ADIPOR2: variants seen among roughly 807,000 people sequenced by gnomAD.
The protein encoded by ADIPOR2 is adiponectin receptor 2.
Under a neutral mutation model 40.9 loss-of-function variants are expected in ADIPOR2, and 18 were observed. The observed-to-expected ratio is 0.44, with a 90% confidence interval of 0.30 to 0.65. The LOEUF (loss-of-function observed/expected upper bound fraction) is 0.65, where lower values mean the gene tolerates loss of function less well. Among genes scored for constraint, ADIPOR2 ranks in the 30% least tolerant of loss-of-function variants. The pLI is 0.09. For synonymous variants in ADIPOR2, 165 were observed against 166.4 expected, an observed-to-expected ratio of 0.99 and a Z score of 0.06; for missense variants, 283 against 479.2, an observed-to-expected ratio of 0.59 and a Z score of 3.82.
At chr12:1,720,191 T>C (rs2094695119) in intron 1 of ADIPOR2, among the ~76,000 whole-genome samples, 1 of 152,226 alleles carries the variant, frequency 6.6e-6, no homozygotes, top group Non-Finnish European at 1.5e-5. Flanking sequence ...GACATTTCTA[T>C]CCCTGACTTA....
At chr12:1,743,054 G>T (rs75024116) in intron 1 of ADIPOR2, among the ~76,000 whole-genome samples, 58 of 152,096 alleles carry the variant, frequency 3.8e-4, no homozygotes, top group Middle Eastern at 6.8e-3. Flanking sequence ...GCAAACTATA[G>T]CTCTTGGGGA....
At chr12:1,722,763 G>A (rs1227057756) in intron 1 of ADIPOR2, among the ~76,000 whole-genome samples, 3 of 152,166 alleles carry the variant, frequency 2.0e-5, no homozygotes, top group Admixed American at 6.5e-5. Flanking sequence ...TGTACCCTAC[G>A]CAGTCCTCTC....
chr12:1,777,659 G>A (rs1862626459), intron 3 of ADIPOR2, among the ~76,000 whole-genome samples, 195 bp from the exon 4 acceptor site: 1 of 151,628 alleles, frequency 6.6e-6, no homozygotes, highest in Admixed American at 6.6e-5. Context: ...CACCATGCCC[G>A]GCAAAAATAT....
chr12:1,768,341 C>T (rs1944819125), intron 2 of ADIPOR2, among the ~76,000 whole-genome samples: 1 of 152,166 alleles, frequency 6.6e-6, no homozygotes, highest in South Asian at 2.1e-4. Context: ...GGCACTTTTG[C>T]TTTTCCCTCT....
chr12:1,750,199 A>G (rs951965774), intron 1 of ADIPOR2, among the ~76,000 whole-genome samples: 8 of 152,008 alleles, frequency 5.3e-5, no homozygotes, highest in African/African-American at 1.5e-4. Context: ...TTAATTTTCT[A>G]TGGAGCAGTT....
At position 1,776,981 on chromosome 12, in the gene ADIPOR2, C is replaced by T. The variant is rs1166956193; in HGVS notation, c.292-873C>T. ...TTGGAGGTTTTTTAATTAATTAAAT[C>T]TCATATAGCTAGTTAATGCCAGGGG... On this transcript the variant is annotated intron_variant, in intron 3 of 7. Coordinates refer to ENST00000357103, the MANE Select transcript of ADIPOR2 (RefSeq NM_024551.3). Among the ~76,000 whole-genome samples the T allele has an allele frequency of 3.3e-5, 5 of 152,050 alleles. No homozygotes were observed. The East Asian group carries it at 9.6e-4, about 29-fold the overall frequency.
chr12:1,772,682 T>TA (rs1592627638), intron 2 of ADIPOR2, 160 bp from the exon 3 acceptor site: 1 of 842,034 alleles, frequency 1.2e-6, no homozygotes, highest in East Asian at 2.9e-5. Flanking sequence ...TTTTTAATAC[T>TA]AATAATTCTA....
intron 2 of ADIPOR2, among the ~76,000 whole-genome samples, chr12:1,769,208 G>A (rs1374882947): frequency 3.3e-5 from 5 of 152,256 alleles, no homozygotes; most frequent in Middle Eastern, 6.8e-3. Context: ...TTTAAATATA[G>A]CGTCTAGCAT....
chr12:1,728,551 C>T (rs188592390), intron 1 of ADIPOR2, among the ~76,000 whole-genome samples: 2,286 of 151,564 alleles, frequency 0.015, 22 homozygotes, highest in Middle Eastern at 0.055. Context: ...GGTGAAACCC[C>T]GTCTCTACTA....
At chr12:1,740,384 C>T (rs2094740157) in intron 1 of ADIPOR2, among the ~76,000 whole-genome samples, 1 of 152,222 alleles carries the variant, frequency 6.6e-6, no homozygotes, top group Non-Finnish European at 1.5e-5. Context: ...TATCACCCCT[C>T]TCCTTGGCTT....
chr12:1,725,358 G>A (rs953872026), intron 1 of ADIPOR2, among the ~76,000 whole-genome samples: 87 of 152,110 alleles, frequency 5.7e-4, no homozygotes, highest in Admixed American at 1.2e-3. Flanking sequence ...GCCCCCAGGT[G>A]ATCCACCCGT....
At chr12:1,724,483 T>G (rs2094703957) in intron 1 of ADIPOR2, among the ~76,000 whole-genome samples, 1 of 152,094 alleles carries the variant, frequency 6.6e-6, no homozygotes, top group Non-Finnish European at 1.5e-5. Context: ...TGCCAGGGGT[T>G]GAGGAGAAGA....
At chr12:1,748,781 A>C (rs1407476792) in intron 1 of ADIPOR2, among the ~76,000 whole-genome samples, 1 of 152,034 alleles carries the variant, frequency 6.6e-6, no homozygotes, top group Non-Finnish European at 1.5e-5. Context: ...GTCATACCAC[A>C]GCAATAATCA....
At chr12:1,722,019 C>T (rs1330974245) in intron 1 of ADIPOR2, among the ~76,000 whole-genome samples, 1 of 152,096 alleles carries the variant, frequency 6.6e-6, no homozygotes. Flanking sequence ...AGGGCTGTAG[C>T]AGGGGGAACG....
At chr12:1,694,677 C>T (rs554339839) in intron 1 of ADIPOR2, among the ~76,000 whole-genome samples, 5 of 152,278 alleles carry the variant, frequency 3.3e-5, no homozygotes, top group Admixed American at 1.3e-4. Context: ...CCTTCTCATG[C>T]GCTAGTTTCC....
In ADIPOR2 at chr12:1,763,500, G is replaced by A. The variant is rs908498502; in HGVS notation, c.171+8986G>A. Among the ~76,000 whole-genome samples the A allele has an allele frequency of 5.3e-5, 8 of 152,292 alleles. No individual in the cohort carries two copies. In the South Asian group the frequency reaches 6.2e-4, roughly 12 times the overall value. On this transcript the variant is annotated intron_variant, in intron 2 of 7. Coordinates refer to ENST00000357103, the MANE Select transcript of ADIPOR2 (RefSeq NM_024551.3). ...AAGCACTTAATAAATGTTAGATGTA[G>A]CATATCATTGGAGGTGTATATTTGT...
Position 1,718,805 on chromosome 12 carries a change from A to G in ADIPOR2, c.-87+27614A>G, listed in dbSNP as rs992124399. ...CCTCACATAAAGGTGAGATTTTCCT[A>G]TTTTCTTAGGAAAGTCAGCTAGTGG... On this transcript the variant is annotated intron_variant, in intron 1 of 7. Transcript: ENST00000357103. Among the ~76,000 whole-genome samples the G allele has an allele frequency of 6.6e-5, 10 of 152,048 alleles. No homozygotes were observed. In the South Asian group the frequency reaches 1.0e-3, roughly 16 times the overall value.
chr12:1,731,558 CT>C (rs1407053580), intron 1 of ADIPOR2, among the ~76,000 whole-genome samples: 1 of 152,192 alleles, frequency 6.6e-6, no homozygotes, highest in Non-Finnish European at 1.5e-5. Flanking sequence ...CTTTCTGACG[CT>C]ATCAGTTTGC....
At chr12:1,720,412 A>G (rs1029796697) in intron 1 of ADIPOR2, among the ~76,000 whole-genome samples, 1 of 152,134 alleles carries the variant, frequency 6.6e-6, no homozygotes, top group African/African-American at 2.4e-5. Context: ...TATTTCTATT[A>G]TTACTACATT....
Sources: gnomAD v4.1 joint callset for allele counts (sites outside exome capture counted in the v4.1 genomes callset) on GRCh38, gnomAD v4.1.1 for gene constraint, MANE v1.5 for transcripts, NCBI Gene and HGNC (gene_info 2026-07-23, HGNC 2026-07-21) for gene names.